Variants in STPG2 observed in about 807,000 individuals in gnomAD.
The protein encoded by STPG2 is sperm tail PG-rich repeat containing 2, also known as sperm-tail PG-rich repeat-containing protein 2.
Under a neutral mutation model 54.2 loss-of-function variants are expected in STPG2, and 56 were observed. The observed-to-expected ratio is 1.03, with a 90% CI of 0.83 to 1.29. STPG2 has a LOEUF of 1.29. Ranked by LOEUF, STPG2 falls within the 50% of genes most tolerant of loss-of-function variation. STPG2 has a pLI of 0.00. For synonymous variants in STPG2, 200 were observed against 181.8 expected, an observed-to-expected ratio of 1.10 and a Z score of -0.81; for missense variants, 596 against 544.9, an observed-to-expected ratio of 1.09 and a Z score of -0.93.
intron 5 of STPG2, among the ~76,000 whole-genome samples, chr4:98,038,124 C>A (rs934925270): frequency 6.7e-4 from 85 of 126,908 alleles, no homozygotes; most frequent in Non-Finnish European, 1.3e-3. Flanking sequence ...ATCTTCCCAC[C>A]TCAGCCTCCC....
rs115234121 is a variant in STPG2 at position 97,747,695 on chromosome 4, A to C, written c.1205-34881T>G. ...TAAAGCTCATATTTTATTAATGTGC[A>C]TGATTTCTACTTTTACTTCAAGACA... is the stretch of plus-strand genomic sequence containing the variant. On this transcript the variant is annotated intron_variant, in intron 9 of 10. Coordinates refer to ENST00000295268, the MANE Select transcript of STPG2 (RefSeq NM_174952.3). Among the ~76,000 whole-genome samples the C allele has an allele frequency of 6.1e-3, 923 of 151,422 alleles. 10 individuals are homozygous for C. The highest frequency in any genetic ancestry group is 0.021 in the African/African-American group (881 of 41,426).
chr4:98,081,361 T>C (rs1052660551), intron 5 of STPG2, among the ~76,000 whole-genome samples: 3 of 152,138 alleles, frequency 2.0e-5, no homozygotes, highest in African/African-American at 7.2e-5. Flanking sequence ...TAATGCAAGG[T>C]AGTCATCGTC....
At chr4:97,546,246 C>T in intron 4 of STPG2, among the ~76,000 whole-genome samples, 1 of 151,712 alleles carries the variant, frequency 6.6e-6, no homozygotes, top group East Asian at 1.9e-4. Context: ...ATAATGAATA[C>T]TAATGACAAA....
intron 2 of STPG2, among the ~76,000 whole-genome samples, chr4:98,132,757 G>T (rs922828222): frequency 3.9e-5 from 6 of 151,920 alleles, no homozygotes; most frequent in Non-Finnish European, 7.4e-5. Context: ...AGTAAAAGGG[G>T]ATAGTAAGAG....
At chr4:97,469,779 A>T (rs2148814072) in intron 4 of STPG2, among the ~76,000 whole-genome samples, 1 of 152,174 alleles carries the variant, frequency 6.6e-6, no homozygotes, top group South Asian at 2.1e-4. Context: ...ACAGACACAG[A>T]AACTAAAACA....
intron 8 of STPG2, among the ~76,000 whole-genome samples, chr4:97,915,928 G>A (rs948062177): frequency 6.6e-6 from 1 of 152,102 alleles, no homozygotes; most frequent in Non-Finnish European, 1.5e-5. Flanking sequence ...TTTAAAGGTA[G>A]GAAAAGCAGT....
intron 7 of STPG2, among the ~76,000 whole-genome samples, chr4:97,962,663 A>G (rs536712643): frequency 1.3e-5 from 2 of 152,344 alleles, no homozygotes; most frequent in South Asian, 2.1e-4. Flanking sequence ...GAAGATATTC[A>G]AAGTGTTTTT....
At chr4:97,679,923 G>C (rs1722976988) in intron 10 of STPG2, among the ~76,000 whole-genome samples, 1 of 151,556 alleles carries the variant, frequency 6.6e-6, no homozygotes, top group African/African-American at 2.4e-5. Flanking sequence ...GTTTGTCAAA[G>C]ATCAGATAGT....
intron 1 of STPG2, among the ~76,000 whole-genome samples, chr4:98,136,761 A>G (rs896817138): frequency 5.9e-5 from 9 of 151,782 alleles, no homozygotes; most frequent in Non-Finnish European, 1.2e-4. Flanking sequence ...TATTTACTAT[A>G]TATGAAGTGG....
At chr4:98,063,630 AT>A (rs1485617837) in intron 5 of STPG2, among the ~76,000 whole-genome samples, 1 of 152,050 alleles carries the variant, frequency 6.6e-6, no homozygotes, top group East Asian at 1.9e-4. Context: ...AAAGAAAATG[AT>A]AAGAATAAAT....
At chr4:97,894,610 A>T (rs1730892634) in intron 8 of STPG2, among the ~76,000 whole-genome samples, 1 of 151,810 alleles carries the variant, frequency 6.6e-6, no homozygotes, top group South Asian at 2.1e-4. Flanking sequence ...AATCTTAACC[A>T]TGCTCTTCAG....
chr4:97,659,289 T>C (rs1384490614), intron 10 of STPG2, among the ~76,000 whole-genome samples: 1 of 152,212 alleles, frequency 6.6e-6, no homozygotes, highest in Non-Finnish European at 1.5e-5. Flanking sequence ...CTTCAGTGTA[T>C]GTGTAACATT....
chr4:97,636,728 A>G (rs2148939964), intron 10 of STPG2, among the ~76,000 whole-genome samples: 1 of 151,996 alleles, frequency 6.6e-6, no homozygotes, highest in Admixed American at 6.6e-5. Context: ...ACGAAAATAA[A>G]CTAGAAAATC....
At chr4:97,606,807 G>A (rs1185435095) in intron 10 of STPG2, among the ~76,000 whole-genome samples, 2 of 151,680 alleles carry the variant, frequency 1.3e-5, no homozygotes, top group East Asian at 1.9e-4. Flanking sequence ...CATCTTTCTT[G>A]TTATGTAAAA....
At chr4:97,656,122 G>A (rs1012332255) in intron 10 of STPG2, among the ~76,000 whole-genome samples, 2 of 152,042 alleles carry the variant, frequency 1.3e-5, no homozygotes, top group Admixed American at 6.6e-5. Flanking sequence ...GAAGCCCTAT[G>A]CTTAGAGGCC....
intron 10 of STPG2, among the ~76,000 whole-genome samples, chr4:97,698,003 C>T (rs957728934): frequency 6.6e-6 from 1 of 152,204 alleles, no homozygotes; most frequent in Non-Finnish European, 1.5e-5. Flanking sequence ...GTTCATGGCT[C>T]TCAGCTCTGA....
chr4:97,467,702 C>G (rs1046986430), intron 4 of STPG2, among the ~76,000 whole-genome samples: 5 of 151,848 alleles, frequency 3.3e-5, no homozygotes, highest in African/African-American at 1.2e-4. Flanking sequence ...GTTTTGTTGA[C>G]TGGATCAGGA....
intron 8 of STPG2, among the ~76,000 whole-genome samples, chr4:97,905,193 G>A (rs1731355659): frequency 6.6e-6 from 1 of 151,672 alleles, no homozygotes; most frequent in East Asian, 1.9e-4. Context: ...AAAATGTTAA[G>A]GGCAGCCAGA....
chr4:97,812,020 C>T (rs1727755196), intron 9 of STPG2, among the ~76,000 whole-genome samples: 2 of 151,766 alleles, frequency 1.3e-5, no homozygotes, highest in African/African-American at 2.4e-5. Context: ...GCCTTTTTAG[C>T]GACTGACAAA....
Sources: gnomAD v4.1 joint callset for allele counts (sites outside exome capture counted in the v4.1 genomes callset) on GRCh38, gnomAD v4.1.1 for gene constraint, MANE v1.5 for transcripts, NCBI Gene and HGNC (gene_info 2026-07-23, HGNC 2026-07-21) for gene names.